The following LRRC20 variants were observed in gnomAD, a reference collection of about 807,000 sequenced individuals.
LRRC20 encodes leucine-rich repeat-containing protein 20.
A neutral mutation model predicts 14.4 loss-of-function variants in LRRC20; 11 were observed. The observed-to-expected ratio is 0.77, with a 90% CI of 0.48 to 1.27. The LOEUF (loss-of-function observed/expected upper bound fraction) is 1.27. Among genes scored for constraint, LRRC20 ranks in the 50% most tolerant of loss-of-function variants. LRRC20 has a pLI of 0.00. For missense variants in LRRC20, 219 were observed against 251.2 expected, an observed-to-expected ratio of 0.87 and a Z score of 0.87; for synonymous variants, 121 against 107.3, an observed-to-expected ratio of 1.13 and a Z score of -0.79.
intron 2 of LRRC20, among the ~76,000 whole-genome samples, chr10:70,368,634 C>T (rs937793148): frequency 5.3e-5 from 8 of 150,988 alleles, no homozygotes; most frequent in African/African-American, 2.0e-4. Context: ...TTTTTGGCGG[C>T]AGGGGGGACT....
At chr10:70,372,900 C>T (rs1463989250) in intron 2 of LRRC20, among the ~76,000 whole-genome samples, 1 of 148,624 alleles carries the variant, frequency 6.7e-6, no homozygotes, top group Non-Finnish European at 1.5e-5. Context: ...GCCAGGTGTT[C>T]GAGACCAGCT....
At chr10:70,360,216 A>G (rs1843673543) in intron 2 of LRRC20, among the ~76,000 whole-genome samples, 1 of 152,128 alleles carries the variant, frequency 6.6e-6, no homozygotes, top group East Asian at 1.9e-4. Context: ...GCCCATCCGC[A>G]TTTCTTTTAT....
chr10:70,340,746 C>A (rs973776310), intron 2 of LRRC20, 44 bp from the exon 3 acceptor site: 1 of 1,607,474 alleles, frequency 6.2e-7, no homozygotes, highest in Non-Finnish European at 8.5e-7. Context: ...TCAGCCACAG[C>A]TGCCCGAGAA....
chr10:70,325,174 C>A (rs910914133), intron 3 of LRRC20, among the ~76,000 whole-genome samples: 2 of 152,120 alleles, frequency 1.3e-5, no homozygotes, highest in African/African-American at 4.8e-5. Flanking sequence ...GGGCATGGGG[C>A]CAGTGTATTC....
At chr10:70,360,061 G>A (rs1267472909) in intron 2 of LRRC20, among the ~76,000 whole-genome samples, 5 of 151,626 alleles carry the variant, frequency 3.3e-5, no homozygotes, top group African/African-American at 1.2e-4. Context: ...GATTACAGGT[G>A]CCCACCACCA....
At chr10:70,352,119 A>G (rs1227361382) in intron 2 of LRRC20, among the ~76,000 whole-genome samples, 1 of 65,310 alleles carries the variant, frequency 1.5e-5, no homozygotes, top group Non-Finnish European at 3.8e-5. Context: ...GTGGAAAGAC[A>G]TGCTTTGTTT....
chr10:70,328,882 C>A (rs1055544977), intron 3 of LRRC20, among the ~76,000 whole-genome samples: 2 of 152,226 alleles, frequency 1.3e-5, no homozygotes, highest in Non-Finnish European at 2.9e-5. Flanking sequence ...CCTGCCACTG[C>A]ACTCCAGCCT....
At chr10:70,303,802 T>C (rs1021422384) in intron 4 of LRRC20, among the ~76,000 whole-genome samples, 1 of 152,216 alleles carries the variant, frequency 6.6e-6, no homozygotes, top group Non-Finnish European at 1.5e-5. Context: ...GTACCTTGTT[T>C]TCCTAATCTT....
rs192657772 is a variant in LRRC20 at position 70,365,996 on chromosome 10, G to A, written c.82+10456C>T. 4.1e-3 allele frequency among the ~76,000 whole-genome samples: 621 copies of A among 151,612 alleles called. 4 individuals carry two copies. The highest frequency in any genetic ancestry group is 0.013 in the African/African-American group (548 of 41,284). On this transcript the variant is annotated intron_variant, in intron 2 of 4. Coordinates refer to ENST00000446961, the MANE Select transcript of LRRC20 (RefSeq NM_001278212.2). ...AGGCAGGAGAATGGCGTGAACACCG[G>A]GAGGTAGAGCCTGCAGTGAGCCGAG...
rs114892435 is a variant in LRRC20 at position 70,307,331 on chromosome 10, G to A, written c.401-5823C>T. Among the ~76,000 whole-genome samples the A allele has an allele frequency of 7.5e-3, 1,139 of 152,320 alleles. 15 individuals are homozygous for A. Among genetic ancestry groups the A allele is most frequent in the African/African-American group, 0.026 (1,084 of 41,566 alleles). On this transcript the variant is annotated intron_variant, in intron 4 of 4. Coordinates refer to ENST00000446961, the MANE Select transcript of LRRC20 (RefSeq NM_001278212.2). ...TATCTGTCCTTAGGAGCCAATGTGG[G>A]AAAGTCTTTGGATATATGCCCAGGA...
intron 4 of LRRC20, among the ~76,000 whole-genome samples, chr10:70,316,441 G>T (rs1841864538): frequency 6.6e-6 from 1 of 152,194 alleles, no homozygotes; most frequent in Non-Finnish European, 1.5e-5. Context: ...CCCTTTTCTT[G>T]TGTTTTAAAC....
intron 4 of LRRC20, among the ~76,000 whole-genome samples, chr10:70,317,008 C>A (rs1376094277): frequency 6.6e-6 from 1 of 152,240 alleles, no homozygotes; most frequent in Non-Finnish European, 1.5e-5. Flanking sequence ...AAGGGTCAGA[C>A]TCTGGAAAGC....
At chr10:70,328,416 C>A (rs943994561) in intron 3 of LRRC20, among the ~76,000 whole-genome samples, 1 of 151,974 alleles carries the variant, frequency 6.6e-6, no homozygotes, top group Non-Finnish European at 1.5e-5. Flanking sequence ...CCTGCCTCAG[C>A]CTCCCAAGAA....
At chr10:70,304,027 G>A (rs144812663) in intron 4 of LRRC20, among the ~76,000 whole-genome samples, 4 of 149,412 alleles carry the variant, frequency 2.7e-5, no homozygotes, top group Non-Finnish European at 6.0e-5. Flanking sequence ...TTTCGCCTCA[G>A]TTTTTTTTTT....
chr10:70,347,953 C>T (rs77121069), intron 2 of LRRC20, among the ~76,000 whole-genome samples: 8,804 of 152,214 alleles, frequency 0.058, 296 homozygotes, highest in South Asian at 0.12. Context: ...ATGTCACCTC[C>T]GACACCTGCT....
chr10:70,366,501 C>T (rs1589122571), intron 2 of LRRC20, among the ~76,000 whole-genome samples: 1 of 151,972 alleles, frequency 6.6e-6, no homozygotes, highest in East Asian at 1.9e-4. Context: ...ATTAAAACTA[C>T]AATGATACAC....
At chr10:70,323,002 G>A (rs777641594) in intron 4 of LRRC20, among the ~76,000 whole-genome samples, 1 of 151,860 alleles carries the variant, frequency 6.6e-6, no homozygotes, top group Non-Finnish European at 1.5e-5. Flanking sequence ...TTAATCAAAT[G>A]GCATAATGGC....
chr10:70,316,316 A>G (rs564172989), intron 4 of LRRC20, among the ~76,000 whole-genome samples: 1 of 152,262 alleles, frequency 6.6e-6, no homozygotes, highest in African/African-American at 2.4e-5. Context: ...TATTTTTAGT[A>G]GAGATGGGGT....
intron 1 of LRRC20, among the ~76,000 whole-genome samples, chr10:70,380,301 C>A (rs1016737890): frequency 2.0e-5 from 3 of 152,168 alleles, no homozygotes; most frequent in Non-Finnish European, 2.9e-5. Context: ...CTGAGTACAG[C>A]AAAAATGTGC....
Sources: allele counts gnomAD v4.1 joint callset (sites outside exome capture counted in the v4.1 genomes callset), GRCh38; gene constraint gnomAD v4.1.1; transcripts MANE v1.5; gene names NCBI Gene and HGNC (gene_info 2026-07-23, HGNC 2026-07-21).